The following LOC128125817 variants were observed in gnomAD, a reference collection of about 807,000 sequenced individuals.
the LOC128125817 span, among the ~76,000 whole-genome samples, chr1:41,596,788 C>A: frequency 1.3e-5 from 2 of 152,114 alleles, no homozygotes; most frequent in Non-Finnish European, 2.9e-5. Flanking sequence ...TCCAGGAAAC[C>A]CCCAAGGGCC....
At chr1:41,611,616 C>A in the LOC128125817 span, among the ~76,000 whole-genome samples, 1 of 152,224 alleles carries the variant, frequency 6.6e-6, no homozygotes, top group Admixed American at 6.5e-5. Flanking sequence ...GTGTGTGTCT[C>A]AACCACTTCC....
the LOC128125817 span, among the ~76,000 whole-genome samples, chr1:41,592,904 C>T: frequency 6.6e-6 from 1 of 152,218 alleles, no homozygotes; most frequent in Non-Finnish European, 1.5e-5. Context: ...GCCTCCTGGA[C>T]ACCGGCTTCT....
the LOC128125817 span, among the ~76,000 whole-genome samples, chr1:41,604,359 A>T: frequency 6.6e-6 from 1 of 152,372 alleles, no homozygotes; most frequent in Non-Finnish European, 1.5e-5. Context: ...AGAACAAAGT[A>T]CTGCTACAGA....
At chr1:41,614,873 A>G in the LOC128125817 span, among the ~76,000 whole-genome samples, 1 of 152,222 alleles carries the variant, frequency 6.6e-6, no homozygotes, top group African/African-American at 2.4e-5. Flanking sequence ...TCTTCTTGGC[A>G]CTAAGATCTG....
the LOC128125817 span, among the ~76,000 whole-genome samples, chr1:41,588,755 G>T: frequency 1.3e-5 from 2 of 152,130 alleles, no homozygotes; most frequent in Non-Finnish European, 2.9e-5. Context: ...GAGCTGGAGG[G>T]GCCACCCTGT....
the LOC128125817 span, among the ~76,000 whole-genome samples, chr1:41,587,419 T>C: frequency 6.6e-6 from 1 of 152,188 alleles, no homozygotes; most frequent in Non-Finnish European, 1.5e-5. Flanking sequence ...AGGGTGGCCA[T>C]ATAAGATACC....
At chr1:41,589,693 G>A in the LOC128125817 span, among the ~76,000 whole-genome samples, 4 of 152,116 alleles carry the variant, frequency 2.6e-5, no homozygotes, top group Admixed American at 6.5e-5. Context: ...TGGGGTCCCC[G>A]GTCAAAGTTA....
the LOC128125817 span, among the ~76,000 whole-genome samples, chr1:41,626,546 G>A: frequency 6.6e-6 from 1 of 152,180 alleles, no homozygotes; most frequent in African/African-American, 2.4e-5. Context: ...CCCCCCATCT[G>A]TACTCCCTGG....
the LOC128125817 span, among the ~76,000 whole-genome samples, chr1:41,621,216 G>A: frequency 6.6e-6 from 1 of 152,186 alleles, no homozygotes; most frequent in East Asian, 1.9e-4. Context: ...CACAGACCAC[G>A]GCCTTGACCC....
chr1:41,602,389 G>T, the LOC128125817 span, among the ~76,000 whole-genome samples: 1 of 152,042 alleles, frequency 6.6e-6, no homozygotes, highest in Admixed American at 6.5e-5. Context: ...GCTTTTCCTT[G>T]TTGGGAGTTT....
At chr1:41,617,218 T>A in the LOC128125817 span, among the ~76,000 whole-genome samples, 1 of 138,890 alleles carries the variant, frequency 7.2e-6, no homozygotes, top group Non-Finnish European at 1.6e-5. Context: ...GCCATAAACA[T>A]CCTTTATACA....
the LOC128125817 span, among the ~76,000 whole-genome samples, chr1:41,597,531 C>T: frequency 6.6e-6 from 1 of 152,162 alleles, no homozygotes; most frequent in Non-Finnish European, 1.5e-5. Flanking sequence ...CAGGCGGGTA[C>T]TATTATCATT....
the LOC128125817 span, among the ~76,000 whole-genome samples, chr1:41,591,763 C>T: frequency 2.6e-5 from 4 of 152,140 alleles, no homozygotes; most frequent in East Asian, 5.8e-4. Context: ...ATTCTAGCCT[C>T]GATTACTGCC....
At chr1:41,623,274 C>T in the LOC128125817 span, among the ~76,000 whole-genome samples, 2 of 152,340 alleles carry the variant, frequency 1.3e-5, no homozygotes, top group East Asian at 3.9e-4. Context: ...TCCTACCTGT[C>T]CCGTTTTGCT....
the LOC128125817 span, among the ~76,000 whole-genome samples, chr1:41,612,768 G>C: frequency 6.6e-6 from 1 of 152,320 alleles, no homozygotes; most frequent in South Asian, 2.1e-4. Context: ...TCAGGGCCTA[G>C]AATCATCACC....
the LOC128125817 span, among the ~76,000 whole-genome samples, chr1:41,595,913 T>C: frequency 6.6e-6 from 1 of 152,186 alleles, no homozygotes; most frequent in Non-Finnish European, 1.5e-5. Flanking sequence ...GACCTCACCT[T>C]GTGATTGTGT....
the LOC128125817 span, among the ~76,000 whole-genome samples, chr1:41,605,367 GCACA>G: frequency 5.4e-4 from 60 of 111,780 alleles, 1 homozygote; most frequent in African/African-American, 2.3e-3. Context: ...ATACACACAC[GCACA>G]CGCGCACACA....
At chr1:41,599,099 G>A in the LOC128125817 span, among the ~76,000 whole-genome samples, 373 of 152,270 alleles carry the variant, frequency 2.4e-3, 1 homozygote, top group Non-Finnish European at 4.3e-3. Flanking sequence ...TTACAAGTGT[G>A]AGCCACCACA....
At chr1:41,606,642 TG>T in the LOC128125817 span, among the ~76,000 whole-genome samples, 2 of 151,924 alleles carry the variant, frequency 1.3e-5, no homozygotes, top group Non-Finnish European at 2.9e-5. Flanking sequence ...CTTTTTTGAT[TG>T]ATGAAATAAC....
Sources: allele counts gnomAD v4.1 joint callset (sites outside exome capture counted in the v4.1 genomes callset), GRCh38; gene constraint gnomAD v4.1.1; transcripts MANE v1.5.